Variants in MORF4L2 observed in about 807,000 individuals in gnomAD.
MORF4L2 encodes mortality factor 4-like protein 2.
In MORF4L2, 1 loss-of-function variant was observed where a neutral mutation model predicts 12.0. That is an observed-to-expected ratio of 0.08 (90% CI 0.03 to 0.40). The LOEUF (loss-of-function observed/expected upper bound fraction) is 0.40, where lower values mean the gene tolerates loss of function less well. MORF4L2 is among the 10% of genes least tolerant of loss of function. The pLI, the probability that MORF4L2 is intolerant of heterozygous loss-of-function variation, is 0.98. For synonymous variants in MORF4L2, 69 were observed against 81.6 expected (o/e 0.85, Z 0.83); for missense variants, 123 against 214.0 (o/e 0.57, Z 2.65).
intron 1 of MORF4L2, among the ~76,000 whole-genome samples, chrX:103,686,236 C>A (rs1247066190): frequency 4.6e-5 from 5 of 109,426 alleles, no homozygotes; most frequent in African/African-American, 1.7e-4. Context: ...ATTGGTATAT[C>A]TATTTTATCT....
chrX:103,686,436 G>A (rs755909073), intron 1 of MORF4L2, among the ~76,000 whole-genome samples, 195 bp downstream of exon 1: 1 of 111,455 alleles, frequency 9.0e-6, no homozygotes, highest in Non-Finnish European at 1.9e-5. Context: ...CTCTGAGGTA[G>A]ATACTATTAT....
intron 1 of MORF4L2, among the ~76,000 whole-genome samples, chrX:103,686,134 C>A (rs1386978809): frequency 1.9e-5 from 2 of 103,819 alleles, no homozygotes; most frequent in African/African-American, 3.5e-5. Context: ...TCCCCCCCCC[C>A]CCACCTTTTA....
At chrX:103,678,399 A>C (rs1386826753) in intron 3 of MORF4L2, 100 bp downstream of exon 3, 2 of 112,332 alleles carry the variant, frequency 1.8e-5, no homozygotes, top group African/African-American at 6.5e-5. Flanking sequence ...TATAATCTAC[A>C]GTGTAAAGTG....
intron 2 of MORF4L2, among the ~76,000 whole-genome samples, chrX:103,682,233 A>G (rs1262081035): frequency 8.9e-6 from 1 of 112,015 alleles, no homozygotes; most frequent in Non-Finnish European, 1.9e-5. Flanking sequence ...ACATTCTATA[A>G]TGTTATGTAC....
At chrX:103,686,352 A>C (rs1387961889) in intron 1 of MORF4L2, among the ~76,000 whole-genome samples, 1 of 111,686 alleles carries the variant, frequency 9.0e-6, no homozygotes, top group African/African-American at 3.3e-5. Context: ...ATTTATCTCC[A>C]TAACAATAGC....
In MORF4L2 at chrX:103,676,958, G is replaced by A; in HGVS notation, c.70C>T (p.Pro24Ser). Residue 24 changes from proline to serine, a missense_variant, in exon 4 of 4, where the codon CCA becomes TCA. Physicochemically the swap from Pro to Ser is moderately conservative, Grantham distance 74. Transcript: ENST00000441076. ...CTTCTCTGCATGTTGCTTCTAGTTGGTTTTTTGAAGTTCTCTTCTTCTGCA... is the reference window on the plus strand; with the variant it reads ...CTTCTCTGCATGTTGCTTCTAGTTGATTTTTTGAAGTTCTCTTCTTCTGCA... Reference protein sequence around the residue: ...QSAEEENFKKPTRSNMQRSKM... With the variant: ...QSAEEENFKKSTRSNMQRSKM... The A allele has an allele frequency of 1.7e-6, 2 of 1,208,404 alleles. No individual in the cohort carries two copies. Among genetic ancestry groups the A allele is most frequent in the Non-Finnish European group, 2.2e-6 (2 of 894,658 alleles).
intron 2 of MORF4L2, among the ~76,000 whole-genome samples, chrX:103,679,504 G>A (rs187877551): frequency 6.0e-4 from 65 of 108,813 alleles, no homozygotes; most frequent in African/African-American, 2.2e-3. Flanking sequence ...TAGCCTGGGC[G>A]ACAGAGACTC....
intron 2 of MORF4L2, among the ~76,000 whole-genome samples, chrX:103,681,129 G>C (rs1180333858): frequency 4.5e-5 from 5 of 111,635 alleles, no homozygotes; most frequent in Non-Finnish European, 7.5e-5. Context: ...TCAACACATG[G>C]AGAAAATGAG....
In MORF4L2 at chrX:103,676,142, G is replaced by C. The variant is rs2073841853; in HGVS notation, c.*19C>G. On this transcript the variant is annotated 3_prime_UTR_variant, in exon 4 of 4. Transcript: ENST00000441076. ...TGTTTACAGATACAGGACAAAAATG[G>C]TGAGCTGTCTGTAGACGCTCACAGG... The C allele has an allele frequency of 8.6e-7, 1 of 1,157,524 alleles. No individual in the cohort carries two copies. The highest frequency in any genetic ancestry group is 1.1e-6 in the Non-Finnish European group (1 of 871,298).
chrX:103,684,953 T>C (rs965333859), intron 2 of MORF4L2: 16 of 112,703 alleles, frequency 1.4e-4, no homozygotes, highest in African/African-American at 5.2e-4. Context: ...TTGACTGTAG[T>C]ATCTTTTATC....
upstream of MORF4L2, chrX:103,687,595 G>A (rs983034774): frequency 8.9e-6 from 1 of 112,469 alleles, no homozygotes; most frequent in African/African-American, 3.2e-5. Context: ...ATTTGAAAAT[G>A]TTCTAATGAA....
intron 2 of MORF4L2, among the ~76,000 whole-genome samples, chrX:103,682,472 TA>T (rs1195979271): frequency 1.8e-5 from 2 of 111,635 alleles, no homozygotes; most frequent in Non-Finnish European, 3.8e-5. Flanking sequence ...AACAAAAATA[TA>T]AAAGTTCATT....
Position 103,676,705 on chromosome X carries a change from G to A in MORF4L2, c.323C>T (p.Thr108Ile), listed in dbSNP as rs749777563. 8.3e-7 allele frequency: 1 copy of A among 1,208,490 alleles called. No homozygotes were observed. Among genetic ancestry groups the A allele is most frequent in the Non-Finnish European group, 1.1e-6 (1 of 894,794 alleles). ...CTTAAACGCCTCCTCACTTTCAACA[G>A]TGGGGTCTGCCCGGGCCCTTTTCTT... ...PRKKRARADP[T>I]VESEEAFKNR... Residue 108 changes from threonine to isoleucine, a missense_variant, in exon 4 of 4, where the codon ACT becomes ATT. By Grantham distance (89) the Thr-to-Ile change is moderately conservative. Transcript: ENST00000441076.
intron 2 of MORF4L2, among the ~76,000 whole-genome samples, chrX:103,682,137 A>G (rs2073999536): frequency 8.9e-6 from 1 of 111,980 alleles, no homozygotes; most frequent in South Asian, 3.7e-4. Flanking sequence ...TGAGATCCAT[A>G]CTGCTCTGCA....
upstream of MORF4L2, chrX:103,687,153 C>T (rs2074132469): frequency 9.4e-6 from 1 of 106,599 alleles, no homozygotes; most frequent in African/African-American, 3.5e-5. Flanking sequence ...GGTTTTTTTC[C>T]CCCCCCACTG....
upstream of MORF4L2, chrX:103,687,187 TGCGGAAATAGGATAG>T (rs1291999792): frequency 1.9e-5 from 2 of 107,636 alleles, no homozygotes; most frequent in East Asian, 5.8e-4. Context: ...CTACGTGGCC[TGCGGAAATAGGATAG>T]GCGGAAATGA....
intron 3 of MORF4L2, 21 bp from the exon 4 acceptor site, chrX:103,677,072 T>C: frequency 9.3e-7 from 1 of 1,069,827 alleles, no homozygotes; most frequent in Non-Finnish European, 1.2e-6. Context: ...TAAAATATTT[T>C]ACTTGGTTGT....
upstream of MORF4L2, chrX:103,687,409 G>C (rs903862116): frequency 1.8e-5 from 2 of 112,260 alleles, no homozygotes; most frequent in African/African-American, 6.5e-5. Context: ...GCGTGGTGCT[G>C]GGGTTGCTGT....
intron 3 of MORF4L2, among the ~76,000 whole-genome samples, chrX:103,677,986 G>A (rs1225461982): frequency 9.0e-6 from 1 of 110,950 alleles, no homozygotes; most frequent in Admixed American, 9.6e-5. Flanking sequence ...ATTTACAGGT[G>A]GAGAAAATGG....
Sources: gnomAD v4.1 joint callset for allele counts (sites outside exome capture counted in the v4.1 genomes callset) on GRCh38, gnomAD v4.1.1 for gene constraint, MANE v1.5 for transcripts, NCBI Gene and HGNC (gene_info 2026-07-23, HGNC 2026-07-21) for gene names.